Variants in CAMTA1 observed in about 807,000 individuals in gnomAD.
CAMTA1 encodes the protein calmodulin binding transcription activator 1, also known as calmodulin-binding transcription activator 1.
Under a neutral mutation model 170.9 loss-of-function variants are expected in CAMTA1, and 27 were observed. The observed-to-expected ratio is 0.16, with a 90% CI of 0.12 to 0.22. CAMTA1 has a LOEUF of 0.22. CAMTA1 is among the 10% of genes least tolerant of loss of function. The pLI is 1.00. For missense variants in CAMTA1, 1,619 were observed against 2,217.2 expected (o/e 0.73, Z 5.42); for synonymous variants, 833 against 891.5 (o/e 0.93, Z 1.17).
intron 5 of CAMTA1, among the ~76,000 whole-genome samples, chr1:7,360,435 T>C (rs2085453792): frequency 6.6e-6 from 1 of 152,216 alleles, no homozygotes; most frequent in Non-Finnish European, 1.5e-5. Context: ...TGAATCAGGC[T>C]CAAATCTCAG....
At chr1:7,364,503 G>A (rs1331279225) in intron 5 of CAMTA1, among the ~76,000 whole-genome samples, 1 of 151,556 alleles carries the variant, frequency 6.6e-6, no homozygotes, top group Non-Finnish European at 1.5e-5. Context: ...AGGCTGAAGT[G>A]CAGAGGCACA....
intron 6 of CAMTA1, among the ~76,000 whole-genome samples, chr1:7,559,175 C>T (rs924949832): frequency 2.6e-5 from 4 of 152,280 alleles, no homozygotes; most frequent in African/African-American, 7.2e-5. Flanking sequence ...TGCCGCCACC[C>T]GCCAAGAGGG....
At chr1:7,395,130 G>A (rs975758494) in intron 5 of CAMTA1, among the ~76,000 whole-genome samples, 4 of 152,098 alleles carry the variant, frequency 2.6e-5, no homozygotes, top group East Asian at 1.9e-4. Context: ...TGATCCACCC[G>A]CCTCAGCCTC....
intron 3 of CAMTA1, among the ~76,000 whole-genome samples, chr1:6,839,952 G>A (rs978802198): frequency 2.6e-5 from 4 of 152,238 alleles, no homozygotes; most frequent in Non-Finnish European, 5.9e-5. Context: ...TGTAATCCCA[G>A]TACTCTGGGA....
chr1:7,331,970 G>A (rs532000737), intron 5 of CAMTA1, among the ~76,000 whole-genome samples: 15 of 152,266 alleles, frequency 9.9e-5, no homozygotes, highest in East Asian at 5.8e-4. Flanking sequence ...TCCCCAACCC[G>A]TTTGTGCAGA....
At chr1:7,405,423 T>G (rs1184082942) in intron 5 of CAMTA1, among the ~76,000 whole-genome samples, 3 of 152,118 alleles carry the variant, frequency 2.0e-5, no homozygotes, top group Non-Finnish European at 4.4e-5. Context: ...CAGGCTGGAG[T>G]GCAGTAGCAC....
intron 4 of CAMTA1, among the ~76,000 whole-genome samples, chr1:7,103,549 CACTACACACA>C (rs1573054589): frequency 3.5e-5 from 2 of 57,266 alleles, no homozygotes; most frequent in African/African-American, 2.6e-4. Context: ...CACATGTACA[CACTACACACA>C]TACACACAAC....
At chr1:7,567,367 C>T (rs965321513) in intron 6 of CAMTA1, among the ~76,000 whole-genome samples, 20 of 152,200 alleles carry the variant, frequency 1.3e-4, no homozygotes, top group African/African-American at 4.6e-4. Flanking sequence ...CCTCCACACT[C>T]GACATGCAAT....
At chr1:6,854,068 A>G (rs1661362392) in intron 3 of CAMTA1, among the ~76,000 whole-genome samples, 1 of 152,232 alleles carries the variant, frequency 6.6e-6, no homozygotes, top group Non-Finnish European at 1.5e-5. Context: ...TTGAAATCTC[A>G]GTGGGTTTAT....
intron 4 of CAMTA1, among the ~76,000 whole-genome samples, chr1:7,120,637 G>A (rs1411476197): frequency 1.3e-5 from 2 of 152,234 alleles, no homozygotes; most frequent in African/African-American, 2.4e-5. Context: ...GACTGCACCA[G>A]GGTATGGAGC....
At chr1:6,974,451 A>C (rs907823388) in intron 3 of CAMTA1, among the ~76,000 whole-genome samples, 3 of 152,210 alleles carry the variant, frequency 2.0e-5, no homozygotes, top group African/African-American at 7.2e-5. Context: ...GGTGGCCTGC[A>C]ACTGTAGACA....
intron 3 of CAMTA1, among the ~76,000 whole-genome samples, chr1:6,842,292 C>T (rs1219274649): frequency 2.6e-5 from 4 of 152,188 alleles, no homozygotes; most frequent in Non-Finnish European, 5.9e-5. Flanking sequence ...AACAAGTGGG[C>T]GTCATAGTGA....
chr1:6,789,174 A>C (rs1640299931), intron 1 of CAMTA1, among the ~76,000 whole-genome samples: 1 of 152,180 alleles, frequency 6.6e-6, no homozygotes, highest in Non-Finnish European at 1.5e-5. Flanking sequence ...ACTCAAGGTC[A>C]GATTGGGTCA....
At chr1:7,043,017 T>C (rs1180130854) in intron 3 of CAMTA1, among the ~76,000 whole-genome samples, 3 of 152,174 alleles carry the variant, frequency 2.0e-5, no homozygotes, top group African/African-American at 7.2e-5. Flanking sequence ...TTCACTGGCC[T>C]GGGTGTGCTG....
At chr1:7,068,345 C>T (rs894279737) in intron 3 of CAMTA1, among the ~76,000 whole-genome samples, 6 of 151,926 alleles carry the variant, frequency 3.9e-5, no homozygotes, top group Non-Finnish European at 8.8e-5. Flanking sequence ...CAGCACTGAG[C>T]TTAATATCTT....
intron 22 of CAMTA1, among the ~76,000 whole-genome samples, chr1:7,756,997 T>C (rs530044127): frequency 6.4e-4 from 98 of 152,300 alleles, no homozygotes; most frequent in Middle Eastern, 3.4e-3. Flanking sequence ...ACATGGGAAT[T>C]TTCTCTATCA....
rs1009415507 is a variant in CAMTA1 at position 6,872,184 on chromosome 1, A to G, written c.234+46974A>G. 9 of 173,360 alleles carry G rather than the reference A, an allele frequency of 5.2e-5. No individual in the cohort carries two copies. The South Asian group carries it at 1.1e-3, about 20-fold the overall frequency. The allele number at this position is 173,360 out of a possible 1,614,324, so 10.7% of individuals were successfully genotyped here. ...CACCCATACCTCTTCTCTACTCCCA[A>G]ACCACCCAAACCATTGCCCCTCACC... On this transcript the variant is annotated intron_variant, in intron 3 of 22. Coordinates refer to ENST00000303635, the MANE Select transcript of CAMTA1 (RefSeq NM_015215.4).
Position 7,463,456 on chromosome 1 carries a change from G to C in CAMTA1, c.439-4374G>C, listed in dbSNP as rs189783279. The stretch of plus-strand genomic sequence containing the variant: ...AGAGACAGATGGGGGAAATGGGAGA[G>C]AGACAGAGAGAGGACAAGACAGCTG... On this transcript the variant is annotated intron_variant, in intron 5 of 22. Transcript: ENST00000303635. The surrounding 1 kb of genome is among the most constrained non-coding windows in gnomAD (Gnocchi z 4.7). 7.9e-5 allele frequency among the ~76,000 whole-genome samples: 12 copies of C among 152,086 alleles called. No individual in the cohort carries two copies. The East Asian group carries it at 1.2e-3, about 15-fold the overall frequency.
chr1:7,572,094 G>A (rs2095132654), intron 6 of CAMTA1, among the ~76,000 whole-genome samples: 1 of 152,194 alleles, frequency 6.6e-6, no homozygotes, highest in African/African-American at 2.4e-5. Flanking sequence ...GATTAGTGAT[G>A]TTGAGCATTT....
Sources: gnomAD v4.1 joint callset for allele counts (sites outside exome capture counted in the v4.1 genomes callset) on GRCh38, gnomAD v4.1.1 for gene constraint, Gnocchi (gnomAD v3.1) non-coding constraint, MANE v1.5 for transcripts, NCBI Gene and HGNC (gene_info 2026-07-23, HGNC 2026-07-21) for gene names.